Variants in EPN2 observed in about 807,000 individuals in gnomAD.
EPN2 encodes epsin-2.
EPN2 carries 34 observed loss-of-function variants against 61.7 expected under a neutral mutation model. The observed-to-expected ratio is 0.55, with a 90% CI of 0.42 to 0.73. The LOEUF (loss-of-function observed/expected upper bound fraction) is 0.73, where lower values mean the gene tolerates loss of function less well. Ranked by LOEUF, EPN2 falls within the 30% of genes least tolerant of loss-of-function variation. The pLI is 0.00. For missense variants in EPN2, 714 were observed against 839.2 expected, an observed-to-expected ratio of 0.85 and a Z score of 1.84; for synonymous variants, 349 against 353.6, an observed-to-expected ratio of 0.99 and a Z score of 0.15.
At chr17:19,272,033 C>T (rs1011142356) in intron 1 of EPN2, among the ~76,000 whole-genome samples, 8 of 152,258 alleles carry the variant, frequency 5.3e-5, no homozygotes, top group Non-Finnish European at 8.8e-5. Context: ...TAGATTTTCC[C>T]ATGCAGCTCT....
intron 1 of EPN2, among the ~76,000 whole-genome samples, chr17:19,257,521 CTCT>C (rs1473773690): frequency 8.5e-5 from 10 of 117,518 alleles, no homozygotes; most frequent in African/African-American, 2.8e-4. Flanking sequence ...CTCTCTCTCT[CTCT>C]TTTTTTTTTT....
At chr17:19,249,840 G>A (rs917224669) in intron 1 of EPN2, among the ~76,000 whole-genome samples, 11 of 152,144 alleles carry the variant, frequency 7.2e-5, no homozygotes, top group Admixed American at 4.6e-4. Context: ...TGTAGTTAGA[G>A]CTGGTTCCTG....
At chr17:19,315,873 C>T (rs1052224919) in intron 7 of EPN2, among the ~76,000 whole-genome samples, 6 of 152,200 alleles carry the variant, frequency 3.9e-5, no homozygotes, top group African/African-American at 1.4e-4. Flanking sequence ...AATTCCAGAA[C>T]ATTTCCATCA....
rs146048651 is a variant in EPN2 at position 19,245,343 on chromosome 17, G to A, written c.-294+7812G>A. On this transcript the variant is annotated intron_variant, in intron 1 of 10. Transcript: ENST00000314728. ...TGTGATCCTGCAGCTCTGCACACTG[G>A]TGTGGGTACTAAGGACTGAAAACCC... Among the ~76,000 whole-genome samples the A allele has an allele frequency of 5.3e-3, 800 of 152,174 alleles. 2 individuals carry two copies. The highest frequency in any genetic ancestry group is 9.5e-3 in the Non-Finnish European group (649 of 68,024).
chr17:19,276,358 A>G (rs2045304755), intron 1 of EPN2: 1 of 136,174 alleles, frequency 7.3e-6, no homozygotes, highest in Admixed American at 7.8e-5. Flanking sequence ...CAGCTAATTA[A>G]AATTTTTTTT....
chr17:19,246,800 G>C (rs139721826), intron 1 of EPN2, among the ~76,000 whole-genome samples: 1 of 116,348 alleles, frequency 8.6e-6, no homozygotes, highest in African/African-American at 3.6e-5. Context: ...GCGGAGTCTC[G>C]CTCTGTCACC....
intron 1 of EPN2, among the ~76,000 whole-genome samples, chr17:19,262,536 C>T (rs1190878462): frequency 6.6e-6 from 1 of 152,192 alleles, no homozygotes; most frequent in South Asian, 2.1e-4. Context: ...ATTTATTTGC[C>T]ATGCAATAAA....
intron 1 of EPN2, among the ~76,000 whole-genome samples, chr17:19,246,273 G>A (rs905394293): frequency 2.0e-5 from 3 of 152,136 alleles, no homozygotes; most frequent in African/African-American, 4.8e-5. Context: ...CAGGAGGATC[G>A]CTTGAACTGG....
At chr17:19,277,849 G>C (rs2045322950) in intron 1 of EPN2, among the ~76,000 whole-genome samples, 2 of 152,164 alleles carry the variant, frequency 1.3e-5, no homozygotes. Flanking sequence ...AGGGTGGGCG[G>C]ATCACGAGGT....
intron 4 of EPN2, among the ~76,000 whole-genome samples, chr17:19,293,385 A>G (rs563427686): frequency 3.0e-4 from 45 of 151,506 alleles, no homozygotes; most frequent in African/African-American, 1.1e-3. Flanking sequence ...AAAAAAAAAA[A>G]AAAAGACAGG....
intron 1 of EPN2, among the ~76,000 whole-genome samples, chr17:19,267,030 G>A (rs969422656): frequency 1.3e-5 from 2 of 150,316 alleles, no homozygotes; most frequent in Non-Finnish European, 3.0e-5. Flanking sequence ...TAGTAGAGAC[G>A]GGGTTTCCCC....
At chr17:19,238,519 C>A (rs1453549010) in intron 1 of EPN2, among the ~76,000 whole-genome samples, 2 of 152,134 alleles carry the variant, frequency 1.3e-5, no homozygotes, top group East Asian at 3.9e-4. Context: ...GTTGTGCTTC[C>A]CTGGGGACGT....
intron 6 of EPN2, among the ~76,000 whole-genome samples, chr17:19,312,661 G>A (rs1906200472): frequency 6.6e-6 from 1 of 152,226 alleles, no homozygotes; most frequent in African/African-American, 2.4e-5. Flanking sequence ...TGAGGCCGGT[G>A]GAGCCCCTGG....
chr17:19,271,565 C>T (rs540095398), intron 1 of EPN2: 9 of 152,268 alleles, frequency 5.9e-5, no homozygotes, highest in Non-Finnish European at 1.2e-4. Context: ...GCTCACTGCC[C>T]ATCCCGCAGT....
chr17:19,292,174 C>T (rs907568925), intron 4 of EPN2, among the ~76,000 whole-genome samples: 1 of 152,196 alleles, frequency 6.6e-6, no homozygotes, highest in African/African-American at 2.4e-5. Context: ...GCTGAGGTCT[C>T]CTGAGAGTGT....
At chr17:19,260,244 G>A (rs1248193083) in intron 1 of EPN2, among the ~76,000 whole-genome samples, 1 of 152,224 alleles carries the variant, frequency 6.6e-6, no homozygotes, top group African/African-American at 2.4e-5. Context: ...GGGCTGTGCT[G>A]GATTTGTGCA....
At chr17:19,321,159 A>G (rs1233129743) in intron 7 of EPN2, among the ~76,000 whole-genome samples, 1 of 152,148 alleles carries the variant, frequency 6.6e-6, no homozygotes, top group African/African-American at 2.4e-5. Flanking sequence ...CTTCCCAGCA[A>G]GTGCCCCACA....
intron 4 of EPN2, among the ~76,000 whole-genome samples, chr17:19,288,729 G>A (rs1274493607): frequency 6.6e-6 from 1 of 152,192 alleles, no homozygotes; most frequent in Non-Finnish European, 1.5e-5. Context: ...AGCATTCCTT[G>A]AATTCCTAGT....
rs79828029 is a variant in EPN2, at chr17:19,295,033, A to G, written c.766+9243A>G. Among the ~76,000 whole-genome samples, 141 of 152,266 alleles carry G rather than the reference A, an allele frequency of 9.3e-4. 3 individuals carry two copies. The East Asian group carries it at 0.024, about 26-fold the overall frequency. ...TGTCTTCCCATGGGAAGTAGGCCATATAAGTTAAATCTCTCTCTGTATCAT... is the reference window on the plus strand; with the variant it reads ...TGTCTTCCCATGGGAAGTAGGCCATGTAAGTTAAATCTCTCTCTGTATCAT... On this transcript the variant is annotated intron_variant, in intron 4 of 10. Transcript: ENST00000314728.
Sources: allele counts gnomAD v4.1 joint callset (sites outside exome capture counted in the v4.1 genomes callset), GRCh38; gene constraint gnomAD v4.1.1; transcripts MANE v1.5; gene names NCBI Gene and HGNC (gene_info 2026-07-23, HGNC 2026-07-21).